The following SAMD4B variants were observed in gnomAD, a reference collection of about 807,000 sequenced individuals.
SAMD4B encodes the protein sterile alpha motif domain containing 4B, also known as protein Smaug homolog 2.
SAMD4B carries 5 observed loss-of-function variants against 74.5 expected under a neutral mutation model. The observed-to-expected ratio is 0.07, with a 90% CI of 0.04 to 0.14. The LOEUF is 0.14. Ranked by LOEUF, SAMD4B falls within the 10% of genes least tolerant of loss-of-function variation. The pLI is 1.00. For missense variants in SAMD4B, 608 were observed against 921.8 expected, an observed-to-expected ratio of 0.66 and a Z score of 4.41; for synonymous variants, 373 against 374.9, an observed-to-expected ratio of 1.00 and a Z score of 0.06.
chr19:39,388,353 A>G, downstream of SAMD4B: 2 of 1,614,022 alleles, frequency 1.2e-6, no homozygotes, highest in Non-Finnish European at 8.5e-7. Flanking sequence ...TTTCCAACTC[A>G]TTGTAGTAAA....
rs1413842453 is a variant in SAMD4B, at chr19:39,385,316, T to C, written c.*1789T>C. ...GTCCCTCTCATGGGACCCTCCCCTC[T>C]CCCCAGCCTGTCCTGTCTTGTTCAC... On this transcript the variant is annotated 3_prime_UTR_variant, in exon 14 of 14. Transcript: ENST00000610417. 1 of 386,242 alleles carries C rather than the reference T, an allele frequency of 2.6e-6. No individual in the cohort carries two copies. Among genetic ancestry groups the C allele is most frequent in the Non-Finnish European group, 4.6e-6 (1 of 219,026 alleles). 23.9% of individuals were successfully genotyped at this position (386,242 alleles called of 1,614,324 possible).
At chr19:39,381,199 C>G in intron 12 of SAMD4B, 86 bp downstream of exon 12, 2 of 1,455,890 alleles carry the variant, frequency 1.4e-6, no homozygotes, top group East Asian at 2.3e-5. Context: ...GTCCACTGTT[C>G]TTCTAGACTG....
chr19:39,376,104 G>C (rs540533787), intron 5 of SAMD4B, among the ~76,000 whole-genome samples: 47 of 152,138 alleles, frequency 3.1e-4, no homozygotes, highest in Non-Finnish European at 6.3e-4. Context: ...GGAGCCCCCT[G>C]TCTTCACACA....
chr19:39,349,413 C>G (rs764260790), intron 1 of SAMD4B, among the ~76,000 whole-genome samples: 23 of 152,132 alleles, frequency 1.5e-4, no homozygotes, highest in Non-Finnish European at 2.4e-4. Flanking sequence ...CCAGAGTTTA[C>G]CGGAGCTCCC....
intron 3 of SAMD4B, among the ~76,000 whole-genome samples, chr19:39,365,120 T>C (rs1306843454): frequency 7.0e-6 from 1 of 142,808 alleles, no homozygotes; most frequent in African/African-American, 2.6e-5. Context: ...GTGGCGGGCG[T>C]GTGTAGTCCC....
At chr19:39,374,617 G>C (rs960014052) in intron 4 of SAMD4B, among the ~76,000 whole-genome samples, 14 of 152,136 alleles carry the variant, frequency 9.2e-5, no homozygotes, top group African/African-American at 3.4e-4. Context: ...TGAGGTGGGC[G>C]GATCACGAGG....
At chr19:39,346,802 C>T (rs1185116985) in intron 1 of SAMD4B, among the ~76,000 whole-genome samples, 1 of 152,130 alleles carries the variant, frequency 6.6e-6, no homozygotes, top group African/African-American at 2.4e-5. Context: ...CACATTACCA[C>T]TCACCAGTTT....
chr19:39,359,097 C>T (rs935851126), intron 3 of SAMD4B, among the ~76,000 whole-genome samples: 5 of 152,192 alleles, frequency 3.3e-5, no homozygotes, highest in Non-Finnish European at 5.9e-5. Context: ...CATTTCTCAC[C>T]CCTGCCACAC....
At position 39,367,021 on chromosome 19, in the gene SAMD4B, T is replaced by TA. The variant is rs532250132; in HGVS notation, c.197-2633dup. 3.9e-5 allele frequency among the ~76,000 whole-genome samples: 6 copies of TA among 152,318 alleles called. No individual in the cohort carries two copies. The South Asian group carries it at 1.2e-3, about 32-fold the overall frequency. ...AAGCAGCTAGTGTTTACTGAGGACT[T>TA]ACTCTATGCTGTGGCCTCACATAAT... On this transcript the variant is annotated intron_variant, in intron 3 of 13. Transcript: ENST00000610417.
At chr19:39,379,043 CCTCT>C (rs143595351) in intron 9 of SAMD4B, among the ~76,000 whole-genome samples, 4,897 of 151,580 alleles carry the variant, frequency 0.032, 188 homozygotes, top group African/African-American at 0.089. Context: ...ACACACTCTT[CCTCT>C]CTCTCTCTCT....
At chr19:39,349,829 A>T (rs1221614188) in intron 1 of SAMD4B, 1 of 152,138 alleles carries the variant, frequency 6.6e-6, no homozygotes, top group Non-Finnish European at 1.5e-5. Flanking sequence ...CTGGTCTCAA[A>T]CTCCTGGGCT....
intron 9 of SAMD4B, among the ~76,000 whole-genome samples, chr19:39,379,022 A>G (rs1385226794): frequency 3.3e-5 from 5 of 150,788 alleles, no homozygotes; most frequent in African/African-American, 9.8e-5. Flanking sequence ...GCTTCTTCTC[A>G]GAACCCTTGT....
chr19:39,388,984 G>A (rs139528979), downstream of SAMD4B: 39 of 1,614,192 alleles, frequency 2.4e-5, no homozygotes, highest in African/African-American at 4.9e-4. Flanking sequence ...CTCCACCGGT[G>A]TGACTCGGGG....
At chr19:39,376,314 C>G (rs934010393) in intron 5 of SAMD4B, 123 bp from the exon 6 acceptor site, 42 of 742,098 alleles carry the variant, frequency 5.7e-5, no homozygotes, top group East Asian at 4.3e-4. Context: ...TTAGCTCCCC[C>G]CAACCCCCTC....
intron 12 of SAMD4B, among the ~76,000 whole-genome samples, chr19:39,382,442 CTTTTTTTTAAG>C (rs2078053860): frequency 6.6e-6 from 1 of 151,814 alleles, no homozygotes; most frequent in Non-Finnish European, 1.5e-5. Flanking sequence ...AAAAAAAATT[CTTTTTTTTAAG>C]GAGAGACAAT....
In SAMD4B at chr19:39,385,688, CAAAAA is replaced by C; in HGVS notation, c.*2165_*2169del. 1.9e-6 allele frequency: 1 copy of C among 515,904 alleles called. No individual in the cohort carries two copies. The highest frequency in any genetic ancestry group is 1.9e-5 in the African/African-American group (1 of 51,664). The allele number at this position is 515,904 out of a possible 1,614,324, so 32.0% of individuals were successfully genotyped here. A position where few individuals can be genotyped will look rare whatever the true frequency, so the allele number is the denominator to read the frequency against. On this transcript the variant is annotated 3_prime_UTR_variant, in exon 14 of 14. Transcript: ENST00000610417. ...TTATTTTGGAAAAAAAAAAAACAAA[CAAAAA>C]AAACGAATTCTGACCTTCGTTGTGC...
chr19:39,385,617 G>A lies in SAMD4B; in HGVS notation c.*2090G>A. The A allele has an allele frequency of 1.9e-6, 1 of 513,554 alleles. No homozygotes were observed. Among genetic ancestry groups the A allele is most frequent in the South Asian group, 3.4e-5 (1 of 29,726 alleles). The allele number at this position is 513,554 out of a possible 1,614,324, so 31.8% of individuals were successfully genotyped here. A position where few individuals can be genotyped will look rare whatever the true frequency, so the allele number is the denominator to read the frequency against. On this transcript the variant is annotated 3_prime_UTR_variant, in exon 14 of 14. Transcript: ENST00000610417. ...TAACTGTACAGTTTTTCTCGCTGTTGGAGAAGACTTATTTGTTGGAGTTTC... is the reference window on the plus strand; with the variant it reads ...TAACTGTACAGTTTTTCTCGCTGTTAGAGAAGACTTATTTGTTGGAGTTTC...
intron 5 of SAMD4B, 79 bp from the exon 6 acceptor site, chr19:39,376,358 G>A (rs1207740634): frequency 2.3e-5 from 29 of 1,239,078 alleles, no homozygotes; most frequent in Middle Eastern, 1.9e-4. Context: ...CTTCCTGTGG[G>A]TTTATCCCCA....
downstream of SAMD4B, chr19:39,387,025 G>T (rs2078267156): frequency 1.3e-5 from 8 of 598,502 alleles, no homozygotes; most frequent in South Asian, 1.3e-4. Flanking sequence ...CCTACACTGT[G>T]TGTGTGTGTT....
Sources: gnomAD v4.1 joint callset for allele counts (sites outside exome capture counted in the v4.1 genomes callset) on GRCh38, gnomAD v4.1.1 for gene constraint, MANE v1.5 for transcripts, NCBI Gene and HGNC (gene_info 2026-07-23, HGNC 2026-07-21) for gene names.